Variants in GGTLC2 observed in about 807,000 individuals in gnomAD.
GGTLC2 encodes gamma-glutamyltransferase light chain 2, also known as glutathione hydrolase light chain 2.
In GGTLC2, 13 loss-of-function variants were observed where a neutral mutation model predicts 20.2. The observed-to-expected ratio is 0.64, with a 90% CI of 0.42 to 1.02. The LOEUF (loss-of-function observed/expected upper bound fraction) is 1.02, where lower values mean the gene tolerates loss of function less well. Among genes scored for constraint, GGTLC2 ranks in the 50% least tolerant of loss-of-function variants. GGTLC2 has a pLI of 0.00. For synonymous variants in GGTLC2, 89 were observed against 125.5 expected, an observed-to-expected ratio of 0.71 and a Z score of 1.94; for missense variants, 202 against 301.3, an observed-to-expected ratio of 0.67 and a Z score of 2.44.
rs200165992 is a variant in GGTLC2 at position 22,645,420 on chromosome 22, G to A, written c.-35+712G>A. Among the ~76,000 whole-genome samples the A allele has an allele frequency of 2.5e-3, 363 of 147,768 alleles. 3 individuals are homozygous for A. Among genetic ancestry groups the A allele is most frequent in the Non-Finnish European group, 4.0e-3 (265 of 66,808 alleles). The stretch of plus-strand genomic sequence containing the variant: ...GCTTATTTATTTATTTTTTTTATAC[G>A]TGCACCCATGCTCTTCAGGTCTGAT... On this transcript the variant is annotated intron_variant, in intron 1 of 5. Transcript: ENST00000448514.
At chr22:22,645,032 A>G (rs182121565) in intron 1 of GGTLC2, among the ~76,000 whole-genome samples, 4,000 of 143,002 alleles carry the variant, frequency 0.028, 79 homozygotes, top group Non-Finnish European at 0.041. Context: ...AGTTGGGACT[A>G]CAGGCGCCCG....
At chr22:22,645,482 C>A (rs1202522268) in intron 1 of GGTLC2, among the ~76,000 whole-genome samples, 2 of 150,414 alleles carry the variant, frequency 1.3e-5, no homozygotes, top group South Asian at 2.2e-4. Context: ...CATCCTCAAA[C>A]CTGCCCCTTC....
At position 22,644,882 on chromosome 22, in the gene GGTLC2, C is replaced by CTTT. The variant is rs1180593782; in HGVS notation, c.-35+198_-35+200dup. Among the ~76,000 whole-genome samples, 12 of 32,542 alleles carry CTTT rather than the reference C, an allele frequency of 3.7e-4. 1 individual carries two copies. The highest frequency in any genetic ancestry group is 2.6e-3 in the African/African-American group (11 of 4,252). The allele number at this position is 32,542 out of a possible 152,430, so 21.3% of individuals were successfully genotyped here. A position where few individuals can be genotyped will look rare whatever the true frequency, so the allele number is the denominator to read the frequency against. ...CCTGGGCAACAGAGTCAGACTCTCT[C>CTTT]TTTTTTTTTTTTTTTTTTTTTTTTT... On this transcript the variant is annotated intron_variant, in intron 1 of 5. Coordinates refer to ENST00000448514, the MANE Select transcript of GGTLC2 (RefSeq NM_199127.3).
Position 22,646,780 on chromosome 22 carries a change from T to G in GGTLC2, c.203T>G (p.Val68Gly). The G allele has an allele frequency of 6.2e-7, 1 of 1,608,918 alleles. No homozygotes were observed. Among genetic ancestry groups the G allele is most frequent in the Non-Finnish European group, 8.5e-7 (1 of 1,177,098 alleles). Reference sequence around the variant, plus strand: ...TTTGGCTCCAAGGTCCGCTCCCCGGTCAGCGAGATCCTGTTCAATGATGAA... The same window carrying G: ...TTTGGCTCCAAGGTCCGCTCCCCGGGCAGCGAGATCCTGTTCAATGATGAA... ...LYFGSKVRSP[V>G]SEILFNDEMD... Residue 68 changes from valine to glycine, a missense_variant, in exon 3 of 6, where the codon GTC (valine) becomes GGC (glycine). Transcript: ENST00000448514.
At chr22:22,645,035 G>T (rs1337685993) in intron 1 of GGTLC2, among the ~76,000 whole-genome samples, 15 of 145,256 alleles carry the variant, frequency 1.0e-4, no homozygotes, top group African/African-American at 1.3e-4. Context: ...TGGGACTACA[G>T]GCGCCCGCCA....
rs868057727 is a variant in GGTLC2, at chr22:22,646,678, T to C, written c.177-76T>C. The C allele has an allele frequency of 7.0e-6, 11 of 1,574,362 alleles. No homozygotes were observed. In the East Asian group the frequency reaches 1.1e-4, roughly 16 times the overall value. The stretch of plus-strand genomic sequence containing the variant: ...ATCCTGGGCCTCTCAGTGAGTATGT[T>C]TGAGCCTCAGTGGGTGGATAGGGAC... On this transcript the variant is annotated intron_variant, in intron 2 of 5. Transcript: ENST00000448514.
rs1053055422 is a variant in GGTLC2, at chr22:22,647,721, G to A, written c.637G>A (p.Gly213Arg). 38 of 1,601,318 alleles carry A rather than the reference G, an allele frequency of 2.4e-5. No individual in the cohort carries two copies. Among genetic ancestry groups the A allele is most frequent in the African/African-American group, 6.7e-5 (5 of 74,704 alleles). ...AGCTGCCTCGGACTCCAGGAAAGGCGGGGAGCCTGCCGGCTACTGAGTGCT... is the reference window on the plus strand; with the variant it reads ...AGCTGCCTCGGACTCCAGGAAAGGCAGGGAGCCTGCCGGCTACTGAGTGCT... ...WAAASDSRKG[G>R]EPAGY is the part of the protein sequence containing the mutation. The change falls in exon 6 of 6, where the codon GGG (glycine) becomes AGG (arginine). Residue 213 changes from glycine (G) to arginine (R), a missense_variant. Gly to Arg is a moderately radical substitution (Grantham distance 125, BLOSUM62 -2). Transcript: ENST00000448514.
chr22:22,647,569 G>T lies in GGTLC2; in HGVS notation c.511-26G>T, dbSNP rs201864257. On this transcript the variant is annotated intron_variant, in intron 5 of 5. Coordinates refer to ENST00000448514, the MANE Select transcript of GGTLC2 (RefSeq NM_199127.3). ...CAGGTGGCATCTGGAGCCCTGCTCA[G>T]GCTTCCCCTCTCCTCCCACCCCCAG... 1,844 of 1,594,790 alleles carry T rather than the reference G, an allele frequency of 1.2e-3. 2 individuals carry two copies. Among genetic ancestry groups the T allele is most frequent in the Non-Finnish European group, 1.3e-3 (1,492 of 1,167,512 alleles).
In GGTLC2 at chr22:22,646,500, C is replaced by T. The variant is rs781120559; in HGVS notation, c.155C>T (p.Ala52Val). 1.3e-6 allele frequency: 2 copies of T among 1,569,454 alleles called. No individual in the cohort carries two copies. Among genetic ancestry groups the T allele is most frequent in the African/African-American group, 2.7e-5 (2 of 73,958 alleles). The change falls in exon 2 of 6, where the codon GCC becomes GTC. Residue 52 changes from alanine (A) to valine (V), a missense_variant. Transcript: ENST00000448514. Reference sequence around the variant, plus strand: ...GCAGAGGACGGCAGTGCTGTGTCCGCCACCAGCACCATCAACCTCTAGTAG... The same window carrying T: ...GCAGAGGACGGCAGTGCTGTGTCCGTCACCAGCACCATCAACCTCTAGTAG... ...VVAEDGSAVS[A>V]TSTINLYFGS...
rs1035958090 is a variant in GGTLC2 at position 22,646,172 on chromosome 22, T to C, written c.-34-140T>C. The C allele has an allele frequency of 1.4e-6, 2 of 1,389,148 alleles. 1 individual carries two copies. 86.1% of individuals were successfully genotyped at this position (1,389,148 alleles called of 1,614,324 possible). On this transcript the variant is annotated intron_variant, in intron 1 of 5. Coordinates refer to ENST00000448514, the MANE Select transcript of GGTLC2 (RefSeq NM_199127.3). ...CGACAGAGACAGGGAGTCAGACTGG[T>C]CATGCAAGATCCTGGGCCTGCCCTT...
At chr22:22,646,061 T>G (rs2064068600) in intron 1 of GGTLC2, 1 of 1,219,584 alleles carries the variant, frequency 8.2e-7, no homozygotes, top group South Asian at 1.6e-5. Context: ...TAGAAATATT[T>G]TTTGCATGAA....
At chr22:22,645,958 T>G (rs977379808) in intron 1 of GGTLC2, 67 of 346,462 alleles carry the variant, frequency 1.9e-4, no homozygotes, top group African/African-American at 1.4e-3. Context: ...TTCAGCACTT[T>G]CCCTGTGTGT....
At chr22:22,645,042 G>A (rs1211952427) in intron 1 of GGTLC2, among the ~76,000 whole-genome samples, 24 of 145,652 alleles carry the variant, frequency 1.6e-4, no homozygotes, top group East Asian at 6.7e-4. Flanking sequence ...ACAGGCGCCC[G>A]CCACCACACC....
intron 5 of GGTLC2, 118 bp from the exon 6 acceptor site, chr22:22,647,477 T>C: frequency 7.4e-7 from 1 of 1,355,794 alleles, no homozygotes; most frequent in Non-Finnish European, 1.0e-6. Flanking sequence ...CCCAACCTGC[T>C]CTTCCTGATG....
Position 22,647,595 on chromosome 22 carries a change from G to C in GGTLC2, c.511G>C (p.Ala171Pro). The change falls in exon 6 of 6, where the codon GCA (alanine) becomes CCA (proline). Residue 171 changes from alanine to proline, a missense_variant and splice_region_variant. Physicochemically the swap from Ala to Pro is conservative, Grantham distance 27. Coordinates refer to ENST00000448514, the MANE Select transcript of GGTLC2 (RefSeq NM_199127.3). Reference sequence around the variant, plus strand: ...GCTTCCCCTCTCCTCCCACCCCCAGGCAGTGACTGCAGCCCTGGAGACCCG... The same window carrying C: ...GCTTCCCCTCTCCTCCCACCCCCAGCCAGTGACTGCAGCCCTGGAGACCCG... ...VTTVERNIDQAVTAALETRHH... is the reference protein window; with the variant it reads ...VTTVERNIDQPVTAALETRHH... 1 of 1,584,820 alleles carries C rather than the reference G, an allele frequency of 6.3e-7. No individual in the cohort carries two copies. The highest frequency in any genetic ancestry group is 1.1e-5 in the South Asian group (1 of 89,702).
chr22:22,646,633 A>C (rs1031753263), intron 2 of GGTLC2, 112 bp downstream of exon 2: 91 of 1,419,792 alleles, frequency 6.4e-5, no homozygotes, highest in Non-Finnish European at 8.2e-5. Context: ...TGGGAAACTG[A>C]GGCCCAACCT....
rs768000905 is a variant in GGTLC2 at position 22,647,129 on chromosome 22, C to T, written c.361-12C>T. 1.9e-6 allele frequency: 3 copies of T among 1,611,688 alleles called. No individual in the cohort carries two copies. The highest frequency in any genetic ancestry group is 1.7e-5 in the Admixed American group (1 of 59,978). ...CACCCCTTTTCTCCCTGGCCGTGCC[C>T]ACCCTGCACAGCCCCCAAGCCATGC... On this transcript the variant is annotated splice_polypyrimidine_tract_variant and intron_variant, in intron 4 of 5. Coordinates refer to ENST00000448514, the MANE Select transcript of GGTLC2 (RefSeq NM_199127.3).
At chr22:22,646,284 T>TAGGCCCC in intron 1 of GGTLC2, 28 bp from the exon 2 acceptor site, 1 of 632,426 alleles carries the variant, frequency 1.6e-6, no homozygotes, top group Non-Finnish European at 2.8e-6. Flanking sequence ...CTGTGTCCCC[T>TAGGCCCC]CCCCACCCTC....
In GGTLC2 at chr22:22,646,463, C is replaced by G. The variant is rs1376389581; in HGVS notation, c.118C>G (p.Leu40Val). The change falls in exon 2 of 6, where the codon CTG becomes GTG. Residue 40 changes from leucine to valine, a missense_variant. Coordinates refer to ENST00000448514, the MANE Select transcript of GGTLC2 (RefSeq NM_199127.3). ...YTPVDGGTAH[L>V]SVVAEDGSAV... ...GCCGGTTGATGGGGGCACTGCTCACCTGTCTGTCGTCGCAGAGGACGGCAG... is the reference window on the plus strand; with the variant it reads ...GCCGGTTGATGGGGGCACTGCTCACGTGTCTGTCGTCGCAGAGGACGGCAG... The G allele has an allele frequency of 6.5e-7, 1 of 1,543,906 alleles. No homozygotes were observed. The highest frequency in any genetic ancestry group is 8.8e-7 in the Non-Finnish European group (1 of 1,134,482).
Sources: gnomAD v4.1 joint callset for allele counts (sites outside exome capture counted in the v4.1 genomes callset) on GRCh38, gnomAD v4.1.1 for gene constraint, MANE v1.5 for transcripts, NCBI Gene and HGNC (gene_info 2026-07-23, HGNC 2026-07-21) for gene names.